The following NDUFA5 variants were observed in gnomAD, a reference collection of about 807,000 sequenced individuals.
NDUFA5 encodes the protein NADH:ubiquinone oxidoreductase subunit A5, also known as NADH dehydrogenase [ubiquinone] 1 alpha subcomplex subunit 5.
Under a neutral mutation model 19.8 loss-of-function variants are expected in NDUFA5, and 11 were observed. The ratio of observed to expected loss-of-function variants is 0.56; its 90% CI spans 0.35 to 0.92. NDUFA5 has a LOEUF of 0.92. Ranked by LOEUF, NDUFA5 falls within the 40% of genes least tolerant of loss-of-function variation. The pLI, the probability that NDUFA5 is intolerant of heterozygous loss-of-function variation, is 0.01. For synonymous variants in NDUFA5, 47 were observed against 46.8 expected (o/e 1.00, Z -0.01); for missense variants, 109 against 134.2 (o/e 0.81, Z 0.93).
upstream of NDUFA5, chr7:123,558,041 T>C (rs972893177): frequency 3.1e-5 from 20 of 636,934 alleles, no homozygotes; most frequent in Non-Finnish European, 5.1e-5. Flanking sequence ...TTCCCAGCTG[T>C]CTGTTCCTGT....
At chr7:123,582,272 T>C in the NDUFA5 span, among the ~76,000 whole-genome samples, 1 of 151,590 alleles carries the variant, frequency 6.6e-6, no homozygotes, top group Non-Finnish European at 1.5e-5. Flanking sequence ...CAATGGGAGA[T>C]GGGGAGGGGG....
chr7:123,574,948 G>A, the NDUFA5 span, among the ~76,000 whole-genome samples: 1 of 151,924 alleles, frequency 6.6e-6, no homozygotes, highest in African/African-American at 2.4e-5. Flanking sequence ...AGACACATAG[G>A]GGAGAAAAAT....
chr7:123,592,632 G>A, the NDUFA5 span, among the ~76,000 whole-genome samples: 1 of 152,156 alleles, frequency 6.6e-6, no homozygotes, highest in African/African-American at 2.4e-5. Context: ...TAATTTGATT[G>A]CACTGTGGTC....
chr7:123,597,442 G>A, the NDUFA5 span, among the ~76,000 whole-genome samples: 4 of 152,038 alleles, frequency 2.6e-5, no homozygotes, highest in Admixed American at 6.6e-5. Context: ...TAAATTAAAC[G>A]TTATCATAAG....
chr7:123,557,591 CT>C, intron 1 of NDUFA5, 143 bp from the exon 2 acceptor site: 1 of 1,612,888 alleles, frequency 6.2e-7, no homozygotes, highest in Admixed American at 1.7e-5. Context: ...TTGTTTGGAG[CT>C]TTTTTCCTGA....
At chr7:123,587,264 T>A in the NDUFA5 span, among the ~76,000 whole-genome samples, 2 of 151,836 alleles carry the variant, frequency 1.3e-5, no homozygotes, top group Admixed American at 6.6e-5. Flanking sequence ...ACCTTTCACC[T>A]CCTTGGTTAA....
Position 123,538,642 on chromosome 7 carries a change from G to A in NDUFA5, c.*3477C>T, listed in dbSNP as rs117929873. On this transcript the variant is annotated 3_prime_UTR_variant, in exon 5 of 5. Coordinates refer to ENST00000355749, the MANE Select transcript of NDUFA5 (RefSeq NM_005000.5). ...TGACCTCAAGTGATCCACCCACCTC[G>A]GCCTCCCAAAGTAGTGGGATTATAG... The A allele has an allele frequency of 0.016, 2,473 of 152,224 alleles. 29 individuals carry two copies. Among genetic ancestry groups the A allele is most frequent in the Non-Finnish European group, 0.027 (1,833 of 68,016 alleles). 9.4% of individuals were successfully genotyped at this position (152,224 alleles called of 1,614,324 possible).
chr7:123,556,698 T>C (rs771711506), intron 2 of NDUFA5: 1 of 386,800 alleles, frequency 2.6e-6, no homozygotes. Context: ...CTGGTGAACT[T>C]GAAAAGAGCG....
At chr7:123,561,294 T>C (rs1420932016), upstream of NDUFA5, among the ~76,000 whole-genome samples, 1 of 152,234 alleles carries the variant, frequency 6.6e-6, no homozygotes, top group Non-Finnish European at 1.5e-5. Context: ...TTATAAAATA[T>C]TATAAAGACT....
chr7:123,584,828 A>G, the NDUFA5 span: 1 of 151,950 alleles, frequency 6.6e-6, no homozygotes, highest in African/African-American at 2.4e-5. Context: ...CATTAGTTCA[A>G]AAGAAAAGTT....
At chr7:123,600,459 T>G in the NDUFA5 span, among the ~76,000 whole-genome samples, 1 of 152,168 alleles carries the variant, frequency 6.6e-6, no homozygotes, top group Non-Finnish European at 1.5e-5. Flanking sequence ...CCCACACATT[T>G]GCATTATACT....
chr7:123,557,659 C>G (rs774083895), intron 1 of NDUFA5, 116 bp downstream of exon 1: 7 of 1,613,806 alleles, frequency 4.3e-6, no homozygotes. Context: ...GAACGAGTCC[C>G]CGAAAAGCAC....
rs1368548003 is a variant in NDUFA5 at position 123,539,031 on chromosome 7, G to GGAGGGGGAGGGGAGAAT, written c.*3071_*3087dup. 1 of 152,204 alleles carries GGAGGGGGAGGGGAGAAT rather than the reference G, an allele frequency of 6.6e-6. No homozygotes were observed. Among genetic ancestry groups the GGAGGGGGAGGGGAGAAT allele is most frequent in the African/African-American group, 2.4e-5 (1 of 41,464 alleles). The allele number at this position is 152,204 out of a possible 1,614,324, so 9.4% of individuals were successfully genotyped here. On this transcript the variant is annotated 3_prime_UTR_variant, in exon 5 of 5. Transcript: ENST00000355749. Reference sequence around the variant, plus strand: ...TCCATCCCCCAATTCTGAGGGAAAAGGAGGGGGAGGGGAGAATGAGGGAGA... The same window carrying GGAGGGGGAGGGGAGAAT: ...TCCATCCCCCAATTCTGAGGGAAAAGGAGGGGGAGGGGAGAATGAGGGGGAGGGGAGAATGAGGGAGA...
the NDUFA5 span, among the ~76,000 whole-genome samples, chr7:123,590,166 T>C: frequency 3.3e-5 from 5 of 152,172 alleles, no homozygotes; most frequent in African/African-American, 1.2e-4. Flanking sequence ...TTGATGGGGT[T>C]GTTTGTTTTT....
intron 3 of NDUFA5, among the ~76,000 whole-genome samples, chr7:123,547,491 A>C (rs1165599845): frequency 6.6e-6 from 1 of 152,108 alleles, no homozygotes; most frequent in African/African-American, 2.4e-5. Flanking sequence ...ACAAGTTTCC[A>C]TGCCTAGAAC....
rs368556018 is a variant in NDUFA5 at position 123,550,539 on chromosome 7, G to A, written c.114C>T (p.Ile38=). ...YTKILDVLEE[I]PKNAAYRKYT... Reference sequence around the variant, plus strand: ...ACTTTCTATATGCTGCATTTTTAGGGATTTCCTCAAGAACATCAAGAATCT... The same window carrying A: ...ACTTTCTATATGCTGCATTTTTAGGAATTTCCTCAAGAACATCAAGAATCT... Residue 38 remains isoleucine (I), a synonymous_variant, in exon 3 of 5, where the codon ATC becomes ATT. Coordinates refer to ENST00000355749, the MANE Select transcript of NDUFA5 (RefSeq NM_005000.5). 21 of 1,610,878 alleles carry A rather than the reference G, an allele frequency of 1.3e-5. No homozygotes were observed. The highest frequency in any genetic ancestry group is 1.8e-5 in the Non-Finnish European group (21 of 1,178,184).
At chr7:123,558,039 T>C, upstream of NDUFA5, 1 of 635,288 alleles carries the variant, frequency 1.6e-6, no homozygotes, top group Non-Finnish European at 2.7e-6. Context: ...GTTTCCCAGC[T>C]GTCTGTTCCT....
rs1234461400 is a variant in NDUFA5, at chr7:123,540,083, T to C, written c.*2036A>G. The stretch of plus-strand genomic sequence containing the variant: ...TTTCAGTGTCCCCAAGGCCCCAAGT[T>C]GCATAATTGCAGGGGAAAACTACTC... On this transcript the variant is annotated 3_prime_UTR_variant, in exon 5 of 5. Coordinates refer to ENST00000355749, the MANE Select transcript of NDUFA5 (RefSeq NM_005000.5). 6.6e-6 allele frequency: 1 copy of C among 152,208 alleles called. No individual in the cohort carries two copies. Among genetic ancestry groups the C allele is most frequent in the Non-Finnish European group, 1.5e-5 (1 of 68,030 alleles). The allele number at this position is 152,208 out of a possible 1,614,324, so 9.4% of individuals were successfully genotyped here.
the NDUFA5 span, among the ~76,000 whole-genome samples, chr7:123,580,269 C>T: frequency 5.9e-5 from 9 of 152,014 alleles, no homozygotes; most frequent in Non-Finnish European, 1.3e-4. Context: ...CAGATGAAGT[C>T]CTCAGGTGCA....
Sources: gnomAD v4.1 joint callset for allele counts (sites outside exome capture counted in the v4.1 genomes callset) on GRCh38, gnomAD v4.1.1 for gene constraint, MANE v1.5 for transcripts, NCBI Gene and HGNC (gene_info 2026-07-23, HGNC 2026-07-21) for gene names.